NRXN3: variants seen among roughly 807,000 people sequenced by gnomAD.
The protein encoded by NRXN3 is neurexin III.
In NRXN3, 32 loss-of-function variants were observed where a neutral mutation model predicts 137.6. The ratio of observed to expected loss-of-function variants is 0.23; its 90% CI spans 0.18 to 0.31. The LOEUF is 0.31. NRXN3 is among the 10% of genes least tolerant of loss of function. The pLI is 1.00. For synonymous variants in NRXN3, 798 were observed against 784.5 expected (o/e 1.02, Z -0.29); for missense variants, 1,574 against 2,062.5 (o/e 0.76, Z 4.59).
intron 15 of NRXN3, among the ~76,000 whole-genome samples, chr14:79,012,094 C>T (rs1594895890): frequency 6.6e-6 from 1 of 152,160 alleles, no homozygotes; most frequent in Admixed American, 6.5e-5. Flanking sequence ...GAAAAATTCA[C>T]TAAATGGCTT....
At chr14:79,243,425 T>C (rs1167098693) in intron 15 of NRXN3, among the ~76,000 whole-genome samples, 6 of 152,010 alleles carry the variant, frequency 3.9e-5, no homozygotes, top group Admixed American at 3.9e-4. Flanking sequence ...AAAAGGAATC[T>C]TTTTTTTGAG....
At chr14:78,915,066 A>G (rs1162399221) in intron 10 of NRXN3, among the ~76,000 whole-genome samples, 16 of 152,136 alleles carry the variant, frequency 1.1e-4, no homozygotes, top group Admixed American at 1.0e-3. Context: ...AATTAATGGA[A>G]AAGGAAATCT....
intron 4 of NRXN3, among the ~76,000 whole-genome samples, chr14:78,599,030 G>A (rs990311530): frequency 6.6e-6 from 1 of 152,234 alleles, no homozygotes; most frequent in African/African-American, 2.4e-5. Context: ...CTTTGTAACA[G>A]GCAATAATAC....
intron 4 of NRXN3, among the ~76,000 whole-genome samples, chr14:78,373,071 T>C (rs1239865187): frequency 6.6e-6 from 1 of 152,194 alleles, no homozygotes; most frequent in Non-Finnish European, 1.5e-5. Context: ...CTAAAATTGG[T>C]ATGCAGGCTC....
chr14:79,684,904 C>T lies in NRXN3; in HGVS notation c.3617-7269C>T, dbSNP rs150301230. ...GCAGAGATGACACAGAGGGTGGACACGTGGGAAGGCCTGGATCACAGGGGA... is the reference window on the plus strand; with the variant it reads ...GCAGAGATGACACAGAGGGTGGACATGTGGGAAGGCCTGGATCACAGGGGA... On this transcript the variant is annotated intron_variant, in intron 17 of 20. Transcript: ENST00000335750. Among the ~76,000 whole-genome samples, 130 of 151,960 alleles carry T rather than the reference C, an allele frequency of 8.6e-4. 2 individuals are homozygous for T. In the East Asian group the frequency reaches 0.024, roughly 29 times the overall value.
chr14:78,248,244 A>G (rs2067981003), intron 2 of NRXN3, among the ~76,000 whole-genome samples: 1 of 142,224 alleles, frequency 7.0e-6, no homozygotes, highest in Admixed American at 7.9e-5. Context: ...TAGGGACCAC[A>G]GCCTTATTAT....
chr14:79,419,768 C>T (rs1331436363), intron 15 of NRXN3, among the ~76,000 whole-genome samples: 1 of 152,164 alleles, frequency 6.6e-6, no homozygotes, highest in Non-Finnish European at 1.5e-5. Flanking sequence ...GATGGAAGCT[C>T]CCTCCCTGGC....
chr14:79,153,449 G>A (rs1242210467), intron 15 of NRXN3, among the ~76,000 whole-genome samples: 2 of 151,662 alleles, frequency 1.3e-5, no homozygotes, highest in African/African-American at 2.4e-5. Flanking sequence ...GGCAATCAGA[G>A]CAGAACATTC....
chr14:78,931,731 G>T (rs944742136), intron 10 of NRXN3, among the ~76,000 whole-genome samples: 5 of 152,086 alleles, frequency 3.3e-5, no homozygotes, highest in African/African-American at 1.2e-4. Context: ...AAAGATCTGG[G>T]GTTGAGTTAC....
intron 3 of NRXN3, among the ~76,000 whole-genome samples, chr14:78,294,195 G>T (rs2076080941): frequency 6.6e-6 from 1 of 152,084 alleles, no homozygotes; most frequent in African/African-American, 2.4e-5. Context: ...ACTATAATAG[G>T]TGTTGCCTTA....
intron 10 of NRXN3, among the ~76,000 whole-genome samples, chr14:78,873,689 C>T (rs929198498): frequency 1.3e-5 from 2 of 152,094 alleles, no homozygotes; most frequent in Admixed American, 1.3e-4. Context: ...AGAGATGGTT[C>T]GTATGATGTA....
At chr14:78,382,690 C>A (rs748509219) in intron 4 of NRXN3, among the ~76,000 whole-genome samples, 14 of 152,218 alleles carry the variant, frequency 9.2e-5, no homozygotes, top group Non-Finnish European at 1.9e-4. Context: ...TTGGCACGTG[C>A]TCATGGCTAC....
rs1468504945 is a variant in NRXN3, at chr14:78,860,119, A to G, written c.2275+49775A>G. On this transcript the variant is annotated intron_variant, in intron 10 of 20. Coordinates refer to ENST00000335750, the MANE Select transcript of NRXN3 (RefSeq NM_001330195.2). ...AGATGAAAATTTCAGGGCCAAAATT[A>G]TTAGTAAAACACTTAACATTTATTA... Among the ~76,000 whole-genome samples the G allele has an allele frequency of 5.9e-5, 9 of 152,348 alleles. No individual in the cohort carries two copies. The East Asian group carries it at 1.7e-3, about 29-fold the overall frequency.
intron 14 of NRXN3, among the ~76,000 whole-genome samples, chr14:78,969,387 C>G (rs988801224): frequency 7.2e-5 from 11 of 152,218 alleles, no homozygotes; most frequent in Admixed American, 6.5e-4. Context: ...TGTTACCTAA[C>G]TTGAAAGGCA....
chr14:79,009,895 T>C (rs1253489451), intron 15 of NRXN3, among the ~76,000 whole-genome samples: 1 of 152,198 alleles, frequency 6.6e-6, no homozygotes, highest in Non-Finnish European at 1.5e-5. Flanking sequence ...CACGAAATAA[T>C]TCAGCAAATA....
chr14:79,398,240 G>A (rs2095083136), intron 15 of NRXN3, among the ~76,000 whole-genome samples: 1 of 152,146 alleles, frequency 6.6e-6, no homozygotes, highest in Non-Finnish European at 1.5e-5. Flanking sequence ...TATACAACTG[G>A]CTTGGTATCT....
chr14:78,784,360 A>G (rs1328032519), intron 8 of NRXN3, among the ~76,000 whole-genome samples: 1 of 152,250 alleles, frequency 6.6e-6, no homozygotes, highest in Non-Finnish European at 1.5e-5. Flanking sequence ...GTAAGCCAGC[A>G]TGCTGGGCTG....
Position 79,866,021 on chromosome 14 carries a change from A to G in NRXN3, c.*4057A>G, listed in dbSNP as rs1331834875. 4 of 152,198 alleles carry G rather than the reference A, an allele frequency of 2.6e-5. No individual in the cohort carries two copies. The allele number at this position is 152,198 out of a possible 1,614,324, so 9.4% of individuals were successfully genotyped here. A position where few individuals can be genotyped will look rare whatever the true frequency, so the allele number is the denominator to read the frequency against. ...TTAATTCAAGAAACATTTATTGAAC[A>G]CTTATGTACAAGCTAGTCTACTATT... On this transcript the variant is annotated 3_prime_UTR_variant, in exon 21 of 21. Coordinates refer to ENST00000335750, the MANE Select transcript of NRXN3 (RefSeq NM_001330195.2).
chr14:79,251,950 C>CT (rs1221199907), intron 15 of NRXN3, among the ~76,000 whole-genome samples: 1 of 151,880 alleles, frequency 6.6e-6, no homozygotes, highest in Non-Finnish European at 1.5e-5. Context: ...TCACAAGTAG[C>CT]TGGGACTGCA....
Sources: gnomAD v4.1 joint callset for allele counts (sites outside exome capture counted in the v4.1 genomes callset) on GRCh38, gnomAD v4.1.1 for gene constraint, MANE v1.5 for transcripts, NCBI Gene and HGNC (gene_info 2026-07-23, HGNC 2026-07-21) for gene names.